Variants in GATB observed in about 807,000 individuals in gnomAD.
GATB encodes the protein glutamyl-tRNA(Gln) amidotransferase subunit B, mitochondrial.
Under a neutral mutation model 62.3 loss-of-function variants are expected in GATB, and 39 were observed. The ratio of observed to expected loss-of-function variants is 0.63; its 90% CI spans 0.48 to 0.82. The LOEUF (loss-of-function observed/expected upper bound fraction) is 0.82. Among genes scored for constraint, GATB ranks in the 40% least tolerant of loss-of-function variants. The pLI, the probability that GATB is intolerant of heterozygous loss-of-function variation, is 0.00. For missense variants in GATB, 670 were observed against 684.0 expected (o/e 0.98, Z 0.23); for synonymous variants, 276 against 258.9 (o/e 1.07, Z -0.63).
chr4:151,688,524 A>G (rs1431149939), intron 10 of GATB, 106 bp downstream of exon 10: 2 of 1,058,750 alleles, frequency 1.9e-6, no homozygotes, highest in African/African-American at 3.2e-5. Flanking sequence ...ATGTCAGGAT[A>G]TCCTGAGGGA....
intron 10 of GATB, among the ~76,000 whole-genome samples, chr4:151,684,134 T>C (rs1738198611): frequency 6.6e-6 from 1 of 152,210 alleles, no homozygotes; most frequent in Non-Finnish European, 1.5e-5. Flanking sequence ...CACATCTTCC[T>C]CTCACCTCCA....
chr4:151,719,756 G>A, intron 2 of GATB: 1 of 384,584 alleles, frequency 2.6e-6, no homozygotes, highest in Non-Finnish European at 4.6e-6. Context: ...GGTCCCACCG[G>A]GCACTTAAGG....
At position 151,730,246 on chromosome 4, in the gene GATB, C is replaced by T. The variant is rs1329089871; in HGVS notation, c.328-10708G>A. ...TCCAGTGACCTGGGAATCTCATCCC[C>T]ATCATCCACAGCAGCCGCAGCAAGA... On this transcript the variant is annotated intron_variant, in intron 2 of 12. Transcript: ENST00000263985. The surrounding 1 kb of genome is among the most constrained non-coding windows in gnomAD (Gnocchi z 4.1). 6.6e-6 allele frequency among the ~76,000 whole-genome samples: 1 copy of T among 152,184 alleles called. No individual in the cohort carries two copies. Among genetic ancestry groups the T allele is most frequent in the African/African-American group, 2.4e-5 (1 of 41,442 alleles).
chr4:151,749,729 A>G (rs1739675305), intron 2 of GATB, among the ~76,000 whole-genome samples: 3 of 152,172 alleles, frequency 2.0e-5, no homozygotes, highest in Admixed American at 2.0e-4. Flanking sequence ...ACTTCCTCAC[A>G]CCTGGGAGCA....
At chr4:151,747,877 C>T (rs1016240129) in intron 2 of GATB, among the ~76,000 whole-genome samples, 1 of 152,078 alleles carries the variant, frequency 6.6e-6, no homozygotes, top group African/African-American at 2.4e-5. Context: ...GCAAGAGCCA[C>T]CAACACAGGA....
At chr4:151,750,311 C>G (rs558311882) in intron 2 of GATB, among the ~76,000 whole-genome samples, 1 of 152,208 alleles carries the variant, frequency 6.6e-6, no homozygotes, top group Non-Finnish European at 1.5e-5. Context: ...ACCTTCAGAT[C>G]TTTGAGCTGT....
At chr4:151,710,777 AG>A (rs1738802254) in intron 5 of GATB, among the ~76,000 whole-genome samples, 1 of 152,036 alleles carries the variant, frequency 6.6e-6, no homozygotes, top group Non-Finnish European at 1.5e-5. Flanking sequence ...ATCCAAACCC[AG>A]GATCCCCTTC....
At chr4:151,722,601 C>T (rs112285473) in intron 2 of GATB, 2,181 of 182,716 alleles carry the variant, frequency 0.012, 17 homozygotes, top group Non-Finnish European at 0.018. Flanking sequence ...CCTAGTGGGA[C>T]GTCACCACTT....
intron 7 of GATB, among the ~76,000 whole-genome samples, chr4:151,704,467 T>C (rs77414201): frequency 1.3e-5 from 2 of 151,960 alleles, no homozygotes; most frequent in African/African-American, 4.8e-5. Flanking sequence ...TTTTTTTTTT[T>C]CTTTGAGACG....
intron 5 of GATB, among the ~76,000 whole-genome samples, chr4:151,709,681 C>T (rs1001688713): frequency 7.9e-5 from 12 of 152,168 alleles, no homozygotes; most frequent in Admixed American, 4.6e-4. Flanking sequence ...CCGAGGTCTC[C>T]GAACTTTAGG....
intron 3 of GATB, 142 bp downstream of exon 3, chr4:151,719,283 G>C: frequency 1.7e-6 from 1 of 604,966 alleles, no homozygotes; most frequent in South Asian, 2.0e-5. Context: ...CATCAGGGCT[G>C]GGCCGAACTT....
chr4:151,749,027 G>A (rs1739660095), intron 2 of GATB, among the ~76,000 whole-genome samples: 1 of 152,226 alleles, frequency 6.6e-6, no homozygotes, highest in South Asian at 2.1e-4. Context: ...TGGAGAGGAT[G>A]TGGAGAAATA....
At chr4:151,685,890 AG>A (rs11306408) in intron 10 of GATB, among the ~76,000 whole-genome samples, 63,249 of 151,594 alleles carry the variant, frequency 0.42, 13,650 homozygotes, top group South Asian at 0.57. Flanking sequence ...TCTACTAAAA[AG>A]AAAATACAAA....
chr4:151,701,271 G>A, intron 9 of GATB, 58 bp downstream of exon 9: 3 of 1,384,362 alleles, frequency 2.2e-6, no homozygotes, highest in Admixed American at 2.6e-5. Context: ...CGGGGCCTCT[G>A]AAGGGCACTG....
chr4:151,706,989 A>G (rs940400586), intron 6 of GATB, among the ~76,000 whole-genome samples: 3 of 152,248 alleles, frequency 2.0e-5, no homozygotes, highest in Non-Finnish European at 2.9e-5. Context: ...TATCTTGCTA[A>G]ACTATTTTAG....
chr4:151,732,007 T>TG (rs1296897920), intron 2 of GATB, among the ~76,000 whole-genome samples: 1 of 119,228 alleles, frequency 8.4e-6, no homozygotes. Flanking sequence ...GGGAGGGAGG[T>TG]GGGGGGTCAG....
intron 4 of GATB, chr4:151,716,350 A>T: frequency 2.0e-6 from 1 of 494,634 alleles, no homozygotes; most frequent in Non-Finnish European, 3.5e-6. Context: ...TGGCATGATC[A>T]TAGCTCACTG....
intron 9 of GATB, among the ~76,000 whole-genome samples, chr4:151,693,805 T>C (rs545722054): frequency 2.0e-5 from 3 of 152,188 alleles, no homozygotes; most frequent in Admixed American, 2.0e-4. Context: ...TGAGTTCAAC[T>C]CAGGCACCAG....
intron 2 of GATB, among the ~76,000 whole-genome samples, chr4:151,735,352 A>G (rs1374792560): frequency 6.6e-6 from 1 of 152,182 alleles, no homozygotes; most frequent in Non-Finnish European, 1.5e-5. Flanking sequence ...GCTCAACATC[A>G]CTAATGATCA....
Sources: gnomAD v4.1 joint callset for allele counts (sites outside exome capture counted in the v4.1 genomes callset) on GRCh38, gnomAD v4.1.1 for gene constraint, Gnocchi (gnomAD v3.1) non-coding constraint, MANE v1.5 for transcripts, NCBI Gene and HGNC (gene_info 2026-07-23, HGNC 2026-07-21) for gene names.